The following COL21A1 variants were observed in gnomAD, a reference collection of about 807,000 sequenced individuals.
COL21A1 encodes the protein collagen alpha-1(XXI) chain.
Under a neutral mutation model 137.9 loss-of-function variants are expected in COL21A1, and 149 were observed. That is an observed-to-expected ratio of 1.08 (90% CI 0.95 to 1.24). The LOEUF is 1.24. Among genes scored for constraint, COL21A1 ranks in the 50% most tolerant of loss-of-function variants. The pLI, the probability that COL21A1 is intolerant of heterozygous loss-of-function variation, is 0.00. For synonymous variants in COL21A1, 456 were observed against 391.5 expected (o/e 1.16, Z -1.95); for missense variants, 1,167 against 1,158.4 (o/e 1.01, Z -0.11).
chr6:56,366,262 C>T lies in COL21A1; in HGVS notation c.-39+27709G>A, dbSNP rs539904742. Reference sequence around the variant, plus strand: ...CAAAACCCTGATTACAACACAGCCTCGCCAAGTCTGAGCCTGAGCAGTGCT... The same window carrying T: ...CAAAACCCTGATTACAACACAGCCTTGCCAAGTCTGAGCCTGAGCAGTGCT... On this transcript the variant is annotated intron_variant, in intron 1 of 28. Transcript: ENST00000370819. 1.9e-3 allele frequency among the ~76,000 whole-genome samples: 288 copies of T among 152,290 alleles called. 1 individual carries two copies. The highest frequency in any genetic ancestry group is 6.1e-3 in the African/African-American group (253 of 41,566).
chr6:56,322,175 G>A (rs1009825229), intron 1 of COL21A1, among the ~76,000 whole-genome samples: 5 of 152,104 alleles, frequency 3.3e-5, no homozygotes, highest in African/African-American at 1.2e-4. Context: ...CATTGCATCT[G>A]AGAGGTATGC....
chr6:56,260,659 TGAAG>T (rs1227878397), intron 1 of COL21A1, among the ~76,000 whole-genome samples: 4,546 of 75,604 alleles, frequency 0.06, 153 homozygotes, highest in Non-Finnish European at 0.086. Flanking sequence ...AAGGAAGGAA[TGAAG>T]GAAGGAAGGA....
chr6:56,376,229 T>A (rs2093999017), intron 1 of COL21A1, among the ~76,000 whole-genome samples: 1 of 152,156 alleles, frequency 6.6e-6, no homozygotes. Flanking sequence ...TTAAAACCTC[T>A]CCACTGGCTG....
chr6:56,307,401 C>T (rs1309586722), intron 1 of COL21A1, among the ~76,000 whole-genome samples: 1 of 152,214 alleles, frequency 6.6e-6, no homozygotes. Context: ...GCTTTGTTTA[C>T]CTACTCAAGC....
chr6:56,325,528 T>A (rs1269001117), intron 1 of COL21A1, among the ~76,000 whole-genome samples: 276 of 2,834 alleles, frequency 0.097, 114 homozygotes, highest in Middle Eastern at 1. Context: ...ATATTATATA[T>A]TATATATAAA....
At chr6:56,088,193 G>A (rs559461924) in intron 17 of COL21A1, among the ~76,000 whole-genome samples, 6 of 152,088 alleles carry the variant, frequency 3.9e-5, no homozygotes, top group East Asian at 1.9e-4. Flanking sequence ...GTGAAACCCC[G>A]TCTCTACTAA....
intron 28 of COL21A1, 139 bp from the exon 29 acceptor site, chr6:56,059,381 GA>G (rs1765598893): frequency 3.7e-6 from 2 of 540,292 alleles, no homozygotes; most frequent in Non-Finnish European, 3.2e-6. Context: ...CTTACTAATG[GA>G]AAACAAGTTT....
chr6:56,147,601 G>A (rs767934351), intron 10 of COL21A1, among the ~76,000 whole-genome samples: 39 of 151,784 alleles, frequency 2.6e-4, no homozygotes, highest in South Asian at 4.2e-4. Flanking sequence ...TGTTAGATGC[G>A]TCAGTGACCA....
intron 17 of COL21A1, among the ~76,000 whole-genome samples, chr6:56,086,666 G>C (rs1170930429): frequency 6.6e-6 from 1 of 152,078 alleles, no homozygotes; most frequent in Non-Finnish European, 1.5e-5. Flanking sequence ...AGGGGTAAAA[G>C]GGGAAGCAGG....
chr6:56,057,867 C>T (rs551069934), intron 29 of COL21A1, 23 bp from the exon 30 acceptor site: 235 of 1,472,066 alleles, frequency 1.6e-4, no homozygotes, highest in Non-Finnish European at 2.0e-4. Flanking sequence ...ATTGGCAAGA[C>T]GTAAACAGAG....
At chr6:56,086,812 A>C (rs142063896) in intron 17 of COL21A1, among the ~76,000 whole-genome samples, 1 of 152,304 alleles carries the variant, frequency 6.6e-6, no homozygotes, top group Non-Finnish European at 1.5e-5. Flanking sequence ...GTCAGTACCC[A>C]TATCATAGAA....
intron 1 of COL21A1, among the ~76,000 whole-genome samples, chr6:56,256,408 T>A (rs949960224): frequency 2.0e-5 from 3 of 152,244 alleles, no homozygotes; most frequent in African/African-American, 7.2e-5. Context: ...TCCAGCATTT[T>A]CATTCTAAGT....
intron 17 of COL21A1, among the ~76,000 whole-genome samples, chr6:56,092,577 GA>G (rs1768944987): frequency 6.6e-6 from 1 of 152,104 alleles, no homozygotes; most frequent in African/African-American, 2.4e-5. Flanking sequence ...AGAAAATATT[GA>G]CTGAAGAGTC....
chr6:56,064,456 T>C (rs1261146331), intron 24 of COL21A1, 122 bp downstream of exon 24: 4 of 640,196 alleles, frequency 6.2e-6, no homozygotes, highest in Non-Finnish European at 1.1e-5. Context: ...CTTATATGCT[T>C]AGAATGCATA....
At chr6:56,156,831 T>C in intron 10 of COL21A1, 56 bp downstream of exon 10, 2 of 1,413,384 alleles carry the variant, frequency 1.4e-6, no homozygotes, top group Non-Finnish European at 2.0e-6. Context: ...GCAAAACTTT[T>C]ACTTTGACAC....
intron 17 of COL21A1, chr6:56,078,158 C>G (rs17218770): frequency 0.15 from 67,518 of 455,628 alleles, 5,276 homozygotes; most frequent in Middle Eastern, 0.17. Flanking sequence ...ACAGGTCACT[C>G]TTTCACGTGG....
chr6:56,382,172 G>A (rs1364380598), intron 1 of COL21A1, among the ~76,000 whole-genome samples: 4 of 152,202 alleles, frequency 2.6e-5, no homozygotes, highest in African/African-American at 4.8e-5. Context: ...TGAATTTTCA[G>A]TGTCTGGTGA....
At chr6:56,081,866 G>T (rs1015004945) in intron 17 of COL21A1, among the ~76,000 whole-genome samples, 1 of 151,778 alleles carries the variant, frequency 6.6e-6, no homozygotes, top group African/African-American at 2.4e-5. Context: ...AAATACTTTA[G>T]CCAATAAATA....
At chr6:56,110,625 G>T (rs964963112) in intron 16 of COL21A1, among the ~76,000 whole-genome samples, 9 of 151,910 alleles carry the variant, frequency 5.9e-5, no homozygotes, top group African/African-American at 2.2e-4. Context: ...GAACTAATAA[G>T]TGAATTTAAT....
Sources: allele counts gnomAD v4.1 joint callset (sites outside exome capture counted in the v4.1 genomes callset), GRCh38; gene constraint gnomAD v4.1.1; transcripts MANE v1.5; gene names NCBI Gene and HGNC (gene_info 2026-07-23, HGNC 2026-07-21).